NUS1: variants seen among roughly 807,000 people sequenced by gnomAD.
The protein encoded by NUS1 is NUS1 dehydrodolichyl diphosphate synthase subunit.
For synonymous variants in NUS1, 135 were observed against 155.2 expected, an observed-to-expected ratio of 0.87 and a Z score of 0.97; for missense variants, 292 against 382.9, an observed-to-expected ratio of 0.76 and a Z score of 1.98.
intron 3 of NUS1, among the ~76,000 whole-genome samples, chr6:117,699,992 A>G (rs1388119781): frequency 6.6e-6 from 1 of 152,182 alleles, no homozygotes; most frequent in East Asian, 1.9e-4. Context: ...CTCTTGCCAT[A>G]TACAAAAATC....
At chr6:117,697,907 G>A (rs1211846083) in intron 3 of NUS1, among the ~76,000 whole-genome samples, 2 of 151,982 alleles carry the variant, frequency 1.3e-5, no homozygotes, top group Non-Finnish European at 2.9e-5. Flanking sequence ...CCATATGTTG[G>A]GCCACAAAAC....
chr6:117,693,033 T>C lies in NUS1; in HGVS notation c.416-9T>C. 6.3e-7 allele frequency: 1 copy of C among 1,599,014 alleles called. No homozygotes were observed. Among genetic ancestry groups the C allele is most frequent in the African/African-American group, 1.3e-5 (1 of 74,442 alleles). ...AGTTGTGTTTTACTTGCCTTTTTCTTTTTTAAAGGTATTTTCAAAAGAAAT... is the reference window on the plus strand; with the variant it reads ...AGTTGTGTTTTACTTGCCTTTTTCTCTTTTAAAGGTATTTTCAAAAGAAAT... On this transcript the variant is annotated splice_polypyrimidine_tract_variant and intron_variant, in intron 1 of 4. Coordinates refer to ENST00000368494, the MANE Select transcript of NUS1 (RefSeq NM_138459.5).
In NUS1 at chr6:117,706,938, C is replaced by T. The variant is rs1038995750; in HGVS notation, c.805C>T (p.His269Tyr). The change falls in exon 5 of 5, where the codon CAC (histidine) becomes TAC (tyrosine). Residue 269 changes from histidine (H) to tyrosine (Y), a missense_variant. Coordinates refer to ENST00000368494, the MANE Select transcript of NUS1 (RefSeq NM_138459.5). Reference protein sequence around the residue: ...RLTEIVSLPSHLNISYEDFFS... With the variant: ...RLTEIVSLPSYLNISYEDFFS... ...TTTTCTTTTCAGCTCTTTGCCTTCC[C>T]ACCTAAACATCAGTTATGAGGACTT... is the stretch of plus-strand genomic sequence containing the variant. 1.1e-5 allele frequency: 17 copies of T among 1,612,480 alleles called. No homozygotes were observed. Among genetic ancestry groups the T allele is most frequent in the Non-Finnish European group, 1.7e-6 (2 of 1,178,862 alleles).
intron 1 of NUS1, among the ~76,000 whole-genome samples, chr6:117,690,632 C>G (rs1018900065): frequency 6.6e-6 from 1 of 152,112 alleles, no homozygotes; most frequent in Non-Finnish European, 1.5e-5. Flanking sequence ...TTTCTATCAT[C>G]GGCTGTCTAA....
At chr6:117,682,878 T>G (rs994279282) in intron 1 of NUS1, among the ~76,000 whole-genome samples, 1 of 152,222 alleles carries the variant, frequency 6.6e-6, no homozygotes, top group African/African-American at 2.4e-5. Flanking sequence ...TTCTGATTCT[T>G]TTGGGTCATC....
rs184693790 is a variant in NUS1 at position 117,689,024 on chromosome 6, T to C, written c.416-4018T>C. 1.1e-4 allele frequency among the ~76,000 whole-genome samples: 16 copies of C among 152,266 alleles called. No individual in the cohort carries two copies. In the East Asian group the frequency reaches 3.1e-3, roughly 29 times the overall value. On this transcript the variant is annotated intron_variant, in intron 1 of 4. Transcript: ENST00000368494. ...GGGCTGAGACGGGAACCCTGAGGAATAATCTTTATTTAGGGTGAAAAGAAG... is the reference window on the plus strand; with the variant it reads ...GGGCTGAGACGGGAACCCTGAGGAACAATCTTTATTTAGGGTGAAAAGAAG...
At chr6:117,694,343 G>A (rs1374681940) in intron 3 of NUS1, among the ~76,000 whole-genome samples, 163 bp downstream of exon 3, 1 of 152,034 alleles carries the variant, frequency 6.6e-6, no homozygotes, top group Non-Finnish European at 1.5e-5. Flanking sequence ...GAAATTTAAA[G>A]ACCTATGTAA....
intron 1 of NUS1, among the ~76,000 whole-genome samples, chr6:117,680,305 C>T (rs1366511812): frequency 1.3e-5 from 2 of 152,176 alleles, no homozygotes; most frequent in Admixed American, 6.5e-5. Flanking sequence ...TGGGATGGTA[C>T]AAGAACCAGG....
Position 117,693,055 on chromosome 6 carries a change from A to T in NUS1, c.429A>T (p.Arg143Ser). Residue 143 changes from arginine to serine, a missense_variant, in exon 2 of 5, where the codon AGA becomes AGT. Coordinates refer to ENST00000368494, the MANE Select transcript of NUS1 (RefSeq NM_138459.5). ...SVYDHQGIFKRNNSRLMDEIL... is the reference protein window; with the variant it reads ...SVYDHQGIFKSNNSRLMDEIL... ...TCTTTTTTAAAGGTATTTTCAAAAG[A>T]AATAATTCCAGATTGATGGATGAAA... The T allele has an allele frequency of 6.2e-7, 1 of 1,605,738 alleles. No individual in the cohort carries two copies. Among genetic ancestry groups the T allele is most frequent in the Non-Finnish European group, 8.5e-7 (1 of 1,172,946 alleles).
Position 117,675,692 on chromosome 6 carries a change from G to T in NUS1, c.22G>T (p.Val8Leu), listed in dbSNP as rs778592524. The stretch of plus-strand genomic sequence containing the variant: ...GAGTATGACGGGGCTGTACGAGCTG[G>T]TGTGGCGGGTGCTGCACGCGCTGCT... The part of the protein sequence containing the change: MTGLYEL[V>L]WRVLHALLCL... The change falls in exon 1 of 5, where the codon GTG (valine) becomes TTG (leucine). Residue 8 changes from valine (V) to leucine (L), a missense_variant. Transcript: ENST00000368494. 6 of 1,495,666 alleles carry T rather than the reference G, an allele frequency of 4.0e-6. No individual in the cohort carries two copies. Among genetic ancestry groups the T allele is most frequent in the African/African-American group, 1.4e-5 (1 of 73,236 alleles). The allele number at this position is 1,495,666 out of a possible 1,614,324, so 92.6% of individuals were successfully genotyped here.
chr6:117,695,707 C>T (rs1156865804), intron 3 of NUS1, among the ~76,000 whole-genome samples: 3 of 152,194 alleles, frequency 2.0e-5, no homozygotes, highest in African/African-American at 7.2e-5. Context: ...TCCTTTGTGA[C>T]TGCATTTAGT....
chr6:117,694,813 A>G (rs1023182843), intron 3 of NUS1, among the ~76,000 whole-genome samples: 6 of 152,154 alleles, frequency 3.9e-5, no homozygotes, highest in Non-Finnish European at 8.8e-5. Context: ...TCTCTAGTAA[A>G]TTCATGTTCA....
chr6:117,685,437 G>T (rs1025455690), intron 1 of NUS1, among the ~76,000 whole-genome samples: 1 of 151,464 alleles, frequency 6.6e-6, no homozygotes, highest in African/African-American at 2.4e-5. Flanking sequence ...GGAGTGCAGT[G>T]GTGCGATCAT....
intron 1 of NUS1, among the ~76,000 whole-genome samples, chr6:117,681,575 T>G (rs1773062453): frequency 1.3e-5 from 2 of 152,210 alleles, no homozygotes; most frequent in Non-Finnish European, 2.9e-5. Flanking sequence ...TTTCTTAAGT[T>G]TATTCTCCTT....
chr6:117,693,057 A>G lies in NUS1; in HGVS notation c.431A>G (p.Asn144Ser). The G allele has an allele frequency of 6.2e-7, 1 of 1,606,120 alleles. No homozygotes were observed. The change falls in exon 2 of 5, where the codon AAT becomes AGT. Residue 144 changes from asparagine (N) to serine (S), a missense_variant. Physicochemically the swap from Asn to Ser is conservative, Grantham distance 46 (BLOSUM62 1). Coordinates refer to ENST00000368494, the MANE Select transcript of NUS1 (RefSeq NM_138459.5). ...TTTTTTAAAGGTATTTTCAAAAGAA[A>G]TAATTCCAGATTGATGGATGAAATT... ...VYDHQGIFKR[N>S]NSRLMDEILK...
rs1476686985 is a variant in NUS1 at position 117,691,688 on chromosome 6, TATTTA to T, written c.416-1350_416-1346del. 1.0e-4 allele frequency among the ~76,000 whole-genome samples: 14 copies of T among 137,628 alleles called. No homozygotes were observed. In the East Asian group the frequency reaches 1.4e-3, roughly 13 times the overall value. 90.3% of individuals were successfully genotyped at this position (137,628 alleles called of 152,430 possible). On this transcript the variant is annotated intron_variant, in intron 1 of 4. Transcript: ENST00000368494. Reference sequence around the variant, plus strand: ...TATATTTAATATTTATTGATTTATATATTTAATTATATATTGATTGATATAATTTT... The same window carrying T: ...TATATTTAATATTTATTGATTTATATATTATATATTGATTGATATAATTTT...
At position 117,692,963 on chromosome 6, in the gene NUS1, G is replaced by A. The variant is rs992438418; in HGVS notation, c.416-79G>A. 1.4e-5 allele frequency: 16 copies of A among 1,174,706 alleles called. No homozygotes were observed. The African/African-American group carries it at 2.5e-4, about 18-fold the overall frequency. The allele number at this position is 1,174,706 out of a possible 1,614,324, so 72.8% of individuals were successfully genotyped here. A position where few individuals can be genotyped will look rare whatever the true frequency, so the allele number is the denominator to read the frequency against. ...ACATTCGTTTAGTTCTGGATCTAGT[G>A]TTGTTTTCATAGCAAGCATTCACTT... On this transcript the variant is annotated intron_variant, in intron 1 of 4. Transcript: ENST00000368494.
Position 117,690,855 on chromosome 6 carries a change from T to C in NUS1, c.416-2187T>C, listed in dbSNP as rs139179353. 7.3e-3 allele frequency among the ~76,000 whole-genome samples: 1,103 copies of C among 151,346 alleles called. 10 individuals carry two copies. Among genetic ancestry groups the C allele is most frequent in the African/African-American group, 0.025 (1,044 of 41,238 alleles). Reference sequence around the variant, plus strand: ...AAAAATACAAAAAATTAGCCGGGCATGGTGGCGCATGCCTGTAGTCCCAGC... The same window carrying C: ...AAAAATACAAAAAATTAGCCGGGCACGGTGGCGCATGCCTGTAGTCCCAGC... On this transcript the variant is annotated intron_variant, in intron 1 of 4. Transcript: ENST00000368494.
chr6:117,685,441 C>T (rs567043928), intron 1 of NUS1, among the ~76,000 whole-genome samples: 3 of 151,276 alleles, frequency 2.0e-5, no homozygotes, highest in South Asian at 2.1e-4. Context: ...TGCAGTGGTG[C>T]GATCATAGTT....
Sources: gnomAD v4.1 joint callset for allele counts (sites outside exome capture counted in the v4.1 genomes callset) on GRCh38, gnomAD v4.1.1 for gene constraint, MANE v1.5 for transcripts, NCBI Gene and HGNC (gene_info 2026-07-23, HGNC 2026-07-21) for gene names.